The following KIAA0930 variants were observed in gnomAD, a reference collection of about 807,000 sequenced individuals.
KIAA0930 encodes KIAA0930.
Under a neutral mutation model 43.9 loss-of-function variants are expected in KIAA0930, and 24 were observed. That is an observed-to-expected ratio of 0.55 (90% CI 0.40 to 0.77). KIAA0930 has a LOEUF of 0.77. Among genes scored for constraint, KIAA0930 ranks in the 30% least tolerant of loss-of-function variants. The pLI, the probability that KIAA0930 is intolerant of heterozygous loss-of-function variation, is 0.00. For synonymous variants in KIAA0930, 259 were observed against 216.4 expected (o/e 1.20, Z -1.73); for missense variants, 461 against 574.2 (o/e 0.80, Z 2.02).
intron 1 of KIAA0930, among the ~76,000 whole-genome samples, chr22:45,239,397 T>A (rs535708129): frequency 4.3e-4 from 66 of 152,332 alleles, no homozygotes; most frequent in African/African-American, 1.6e-3. Context: ...ATTGAAACCT[T>A]GTCAACCATT....
At chr22:45,211,882 C>T (rs1410035576) in intron 2 of KIAA0930, 74 bp downstream of exon 2, 2 of 1,470,920 alleles carry the variant, frequency 1.4e-6, no homozygotes, top group Non-Finnish European at 1.9e-6. Context: ...GGAAAGCCCA[C>T]ATGTACACCG....
intron 2 of KIAA0930, chr22:45,207,916 C>T (rs1429025580): frequency 5.9e-6 from 1 of 168,780 alleles, no homozygotes; most frequent in Non-Finnish European, 1.5e-5. Flanking sequence ...TCACAAGACT[C>T]TGCTGTTCCT....
At chr22:45,200,332 G>C (rs1210566477) in intron 7 of KIAA0930, 1 of 355,818 alleles carries the variant, frequency 2.8e-6, no homozygotes, top group African/African-American at 2.1e-5. Context: ...CAGTGGGTAG[G>C]GGGTGTTCAA....
At chr22:45,227,657 G>A (rs766186154) in intron 1 of KIAA0930, among the ~76,000 whole-genome samples, 1 of 152,134 alleles carries the variant, frequency 6.6e-6, no homozygotes, top group Non-Finnish European at 1.5e-5. Flanking sequence ...ATACAATACT[G>A]GAGGAAATGA....
At chr22:45,227,939 G>A (rs1409974929) in intron 1 of KIAA0930, among the ~76,000 whole-genome samples, 1 of 152,188 alleles carries the variant, frequency 6.6e-6, no homozygotes, top group African/African-American at 2.4e-5. Context: ...CTCCTCCCTG[G>A]ATCAGGAGAA....
At chr22:45,228,649 G>T (rs2083818126) in intron 1 of KIAA0930, among the ~76,000 whole-genome samples, 1 of 151,380 alleles carries the variant, frequency 6.6e-6, no homozygotes, top group Admixed American at 6.6e-5. Context: ...TCAAGGGCCA[G>T]TTCCCCAACA....
At position 45,194,156 on chromosome 22, in the gene KIAA0930, C is replaced by G. The variant is rs1044859205; in HGVS notation, c.*3020G>C. On this transcript the variant is annotated 3_prime_UTR_variant, in exon 10 of 10. Coordinates refer to ENST00000336156, the MANE Select transcript of KIAA0930 (RefSeq NM_001009880.2). The stretch of plus-strand genomic sequence containing the variant: ...ATGGCGTGATCTCGGCTCACTGCAA[C>G]CTCTGCCTACTAGGTTCAAGTGATT... 4 of 137,534 alleles carry G rather than the reference C, an allele frequency of 2.9e-5. No individual in the cohort carries two copies. Among genetic ancestry groups the G allele is most frequent in the Admixed American group, 2.4e-4 (3 of 12,294 alleles). The allele number at this position is 137,534 out of a possible 1,614,324, so 8.5% of individuals were successfully genotyped here.
chr22:45,227,235 G>A (rs1289903107), intron 1 of KIAA0930, among the ~76,000 whole-genome samples: 3 of 152,158 alleles, frequency 2.0e-5, no homozygotes, highest in Non-Finnish European at 2.9e-5. Context: ...GCCCTTCTGC[G>A]GCTCTGCCTT....
intron 1 of KIAA0930, among the ~76,000 whole-genome samples, chr22:45,214,813 G>A (rs2083721476): frequency 6.6e-6 from 1 of 152,190 alleles, no homozygotes; most frequent in African/African-American, 2.4e-5. Flanking sequence ...GGAGGCTGAG[G>A]TGGGAGGATC....
intron 1 of KIAA0930, among the ~76,000 whole-genome samples, chr22:45,215,669 A>T (rs2083727423): frequency 6.6e-6 from 1 of 152,258 alleles, no homozygotes; most frequent in African/African-American, 2.4e-5. Context: ...TACGTGTAAT[A>T]CGATGTTTAG....
Position 45,205,729 on chromosome 22 carries a change from C to T in KIAA0930, c.337-22G>A, listed in dbSNP as rs759292380. 36 of 1,613,862 alleles carry T rather than the reference C, an allele frequency of 2.2e-5. No individual in the cohort carries two copies. In the South Asian group the frequency reaches 2.3e-4, roughly 10 times the overall value. On this transcript the variant is annotated intron_variant, in intron 3 of 9. Transcript: ENST00000336156. ...CCAGCTGGAAGAGAGCACGGGTCAGCGTGCAGGGAGGGGTCAGCCATCCCA... is the reference window on the plus strand; with the variant it reads ...CCAGCTGGAAGAGAGCACGGGTCAGTGTGCAGGGAGGGGTCAGCCATCCCA...
In KIAA0930 at chr22:45,208,448, C is replaced by T. The variant is rs573826132; in HGVS notation, c.217-2536G>A. Among the ~76,000 whole-genome samples, 108 of 150,884 alleles carry T rather than the reference C, an allele frequency of 7.2e-4. 1 individual carries two copies. The highest frequency in any genetic ancestry group is 2.5e-3 in the African/African-American group (103 of 41,022). Reference sequence around the variant, plus strand: ...AGAACAGGCAGAACCCAACTCCACACGCAGGAGCTGTGAGAACAGGCAGAA... The same window carrying T: ...AGAACAGGCAGAACCCAACTCCACATGCAGGAGCTGTGAGAACAGGCAGAA... On this transcript the variant is annotated intron_variant, in intron 2 of 9. Transcript: ENST00000336156.
In KIAA0930 at chr22:45,200,183, C is replaced by T. The variant is rs142954242; in HGVS notation, c.853-148G>A. On this transcript the variant is annotated intron_variant, in intron 7 of 9. Coordinates refer to ENST00000336156, the MANE Select transcript of KIAA0930 (RefSeq NM_001009880.2). The stretch of plus-strand genomic sequence containing the variant: ...CAGGAGGACCCAGGCCCAGCCGGCC[C>T]GTGCTAGGTGGGGCCTAGAGACTGG... 2,955 of 728,056 alleles carry T rather than the reference C, an allele frequency of 4.1e-3. 124 individuals are homozygous for T. The Admixed American group carries it at 0.079, about 20-fold the overall frequency. 45.1% of individuals were successfully genotyped at this position (728,056 alleles called of 1,614,324 possible). A position where few individuals can be genotyped will look rare whatever the true frequency, so the allele number is the denominator to read the frequency against.
intron 1 of KIAA0930, chr22:45,227,015 G>A (rs1016361364): frequency 6.5e-6 from 1 of 153,118 alleles, no homozygotes; most frequent in Non-Finnish European, 1.5e-5. Context: ...GAGGAACTCA[G>A]GCCATGTGCT....
intron 1 of KIAA0930, chr22:45,213,424 C>G: frequency 7.7e-7 from 1 of 1,295,322 alleles, no homozygotes; most frequent in Non-Finnish European, 1.0e-6. Flanking sequence ...GCCTTGTCAG[C>G]CTCCAGGGGT....
chr22:45,233,032 G>C (rs552852310), intron 1 of KIAA0930, among the ~76,000 whole-genome samples: 1 of 152,144 alleles, frequency 6.6e-6, no homozygotes, highest in Non-Finnish European at 1.5e-5. Flanking sequence ...AGGTGGCTGG[G>C]AGCAGGCCAG....
chr22:45,220,282 G>A (rs1036929889), intron 1 of KIAA0930, among the ~76,000 whole-genome samples: 1 of 151,866 alleles, frequency 6.6e-6, no homozygotes, highest in Non-Finnish European at 1.5e-5. Context: ...GTAAAACCCC[G>A]TCTCTACTAA....
intron 8 of KIAA0930, among the ~76,000 whole-genome samples, chr22:45,199,126 C>G (rs909937587): frequency 2.0e-5 from 3 of 152,184 alleles, no homozygotes; most frequent in Non-Finnish European, 4.4e-5. Context: ...CCCACAGAGA[C>G]TGCTGAGTGG....
Position 45,197,184 on chromosome 22 carries a change from T to A in KIAA0930, c.1207A>T (p.Met403Leu). ...ILEVRQKPIL[M>L]T ...GCAGGCTCCGCACGCGGCTAGGTCA[T>A]CAGGATGGGCTTCTGCCGAACTTCC... The change falls in exon 10 of 10, where the codon ATG becomes TTG. Residue 403 changes from methionine to leucine, a missense_variant. By Grantham distance (15) the Met-to-Leu change is conservative. Transcript: ENST00000336156. 3.2e-6 allele frequency: 5 copies of A among 1,549,738 alleles called. No homozygotes were observed. Among genetic ancestry groups the A allele is most frequent in the Non-Finnish European group, 4.4e-6 (5 of 1,146,182 alleles).
Sources: gnomAD v4.1 joint callset for allele counts (sites outside exome capture counted in the v4.1 genomes callset) on GRCh38, gnomAD v4.1.1 for gene constraint, MANE v1.5 for transcripts, NCBI Gene and HGNC (gene_info 2026-07-23, HGNC 2026-07-21) for gene names.